The following MTAP variants were observed in gnomAD, a reference collection of about 807,000 sequenced individuals.
MTAP encodes methylthioadenosine phosphorylase.
In MTAP, 33 loss-of-function variants were observed where a neutral mutation model predicts 33.6. The observed-to-expected ratio is 0.98, with a 90% CI of 0.74 to 1.31. The LOEUF (loss-of-function observed/expected upper bound fraction) is 1.31. Ranked by LOEUF, MTAP falls within the 40% of genes most tolerant of loss-of-function variation. The pLI is 0.00. For missense variants in MTAP, 367 were observed against 360.0 expected, an observed-to-expected ratio of 1.02 and a Z score of -0.16; for synonymous variants, 148 against 125.7, an observed-to-expected ratio of 1.18 and a Z score of -1.19.
intron 1 of MTAP, among the ~76,000 whole-genome samples, chr9:21,883,040 A>T (rs1197659210): frequency 1.3e-5 from 2 of 151,958 alleles, no homozygotes; most frequent in Non-Finnish European, 2.9e-5. Context: ...GCAGAACTTA[A>T]TTAAATTAAT....
chr9:21,896,327 A>T (rs1364420118), intron 1 of MTAP, among the ~76,000 whole-genome samples: 1 of 152,222 alleles, frequency 6.6e-6, no homozygotes, highest in African/African-American at 2.4e-5. Flanking sequence ...AATTAAAAGA[A>T]CTAGAGAAGC....
intron 1 of MTAP, among the ~76,000 whole-genome samples, chr9:21,915,059 T>TC (rs1818661671): frequency 2.8e-5 from 2 of 71,816 alleles, no homozygotes; most frequent in Admixed American, 3.4e-4. Flanking sequence ...TTCCTTCCTT[T>TC]CTTTCTTTCT....
chr9:21,811,224 G>A (rs1388792445), intron 1 of MTAP, among the ~76,000 whole-genome samples: 2 of 152,124 alleles, frequency 1.3e-5, no homozygotes, highest in East Asian at 1.9e-4. Context: ...TTACGGCAGT[G>A]TGCCCAGGCC....
intron 1 of MTAP, among the ~76,000 whole-genome samples, chr9:21,901,882 A>G (rs1439986926): frequency 6.6e-6 from 1 of 152,252 alleles, no homozygotes; most frequent in Non-Finnish European, 1.5e-5. Context: ...TCTGTGTGCT[A>G]TGATCAAGTT....
chr9:21,867,856 G>A (rs548101375), downstream of MTAP, among the ~76,000 whole-genome samples: 8 of 152,234 alleles, frequency 5.3e-5, no homozygotes, highest in Admixed American at 2.6e-4. Flanking sequence ...CAAAAGCTTG[G>A]GAATGGCTAA....
At chr9:21,816,588 G>C in intron 2 of MTAP, 126 bp from the exon 3 acceptor site, 1 of 722,512 alleles carries the variant, frequency 1.4e-6, no homozygotes. Flanking sequence ...ATCAGATCTT[G>C]CCTCTTCTCT....
intron 1 of MTAP, 145 bp downstream of exon 1, chr9:21,802,926 G>C (rs897454701): frequency 1.1e-4 from 165 of 1,435,624 alleles, no homozygotes; most frequent in Non-Finnish European, 1.5e-4. Flanking sequence ...CGGCACTCGG[G>C]ACTCACTTGC....
chr9:21,879,809 A>G (rs1206231503), intron 1 of MTAP, among the ~76,000 whole-genome samples: 1 of 151,852 alleles, frequency 6.6e-6, no homozygotes, highest in African/African-American at 2.4e-5. Flanking sequence ...TCGGCTGGAT[A>G]TGAAATTCTC....
chr9:21,856,975 T>C (rs1360347060), intron 6 of MTAP, among the ~76,000 whole-genome samples: 1 of 152,232 alleles, frequency 6.6e-6, no homozygotes, highest in African/African-American at 2.4e-5. Context: ...GAAAGATTAC[T>C]GGAAGAATTA....
chr9:21,815,670 G>A, intron 2 of MTAP, 151 bp downstream of exon 2: 1 of 650,240 alleles, frequency 1.5e-6, no homozygotes, highest in East Asian at 2.9e-5. Context: ...AAGTTCTGCT[G>A]TTGGGTTCCA....
chr9:21,833,527 T>A (rs1459111518), intron 4 of MTAP, among the ~76,000 whole-genome samples: 1 of 152,240 alleles, frequency 6.6e-6, no homozygotes, highest in Non-Finnish European at 1.5e-5. Context: ...CTGATGTTTC[T>A]GTCAGAATTT....
chr9:21,860,277 T>A (rs897712522), intron 7 of MTAP: 1 of 152,210 alleles, frequency 6.6e-6, no homozygotes, highest in African/African-American at 2.4e-5. Flanking sequence ...TGTTTGCTAA[T>A]TTACGTGGTA....
chr9:21,906,634 A>G (rs971051589), intron 1 of MTAP, among the ~76,000 whole-genome samples: 2 of 152,222 alleles, frequency 1.3e-5, no homozygotes, highest in Admixed American at 6.5e-5. Context: ...TCTTTGCCAA[A>G]TTATAGAAAC....
chr9:21,826,853 C>A (rs906725279), intron 4 of MTAP, among the ~76,000 whole-genome samples: 1 of 151,930 alleles, frequency 6.6e-6, no homozygotes, highest in Admixed American at 6.6e-5. Context: ...GGGGCGAGAG[C>A]GAGCATTACC....
chr9:21,877,512 A>G (rs563700092), intron 1 of MTAP, among the ~76,000 whole-genome samples: 1 of 152,094 alleles, frequency 6.6e-6, no homozygotes, highest in African/African-American at 2.4e-5. Flanking sequence ...GACGGCTCTT[A>G]TTATTTTGAG....
chr9:21,842,547 C>T lies in MTAP; in HGVS notation c.450+4537C>T, dbSNP rs1405782420. On this transcript the variant is annotated intron_variant, in intron 5 of 7. Coordinates refer to ENST00000644715, the MANE Select transcript of MTAP (RefSeq NM_002451.4). Reference sequence around the variant, plus strand: ...AAAGGAAAACCTATCAGATTAATAGCAGACTTCTCAGCAGAAATCTTACAA... The same window carrying T: ...AAAGGAAAACCTATCAGATTAATAGTAGACTTCTCAGCAGAAATCTTACAA... 2.0e-5 allele frequency among the ~76,000 whole-genome samples: 3 copies of T among 152,158 alleles called. No individual in the cohort carries two copies. In the South Asian group the frequency reaches 6.2e-4, roughly 31 times the overall value.
At chr9:21,812,352 G>C (rs1824373086) in intron 1 of MTAP, 1 of 159,762 alleles carries the variant, frequency 6.3e-6, no homozygotes, top group Non-Finnish European at 1.4e-5. Context: ...TATTATCATT[G>C]CAGAAGGTCT....
At chr9:21,818,750 T>G (rs1238361535) in intron 4 of MTAP, among the ~76,000 whole-genome samples, 1 of 152,238 alleles carries the variant, frequency 6.6e-6, no homozygotes, top group Non-Finnish European at 1.5e-5. Context: ...GCAAAGCTAA[T>G]TAACATATTA....
At chr9:21,818,255 C>T in intron 4 of MTAP, 53 bp downstream of exon 4, 4 of 1,458,340 alleles carry the variant, frequency 2.7e-6, no homozygotes, top group Non-Finnish European at 3.7e-6. Flanking sequence ...ATTTTCAGCT[C>T]AAATGGACGA....
Sources: gnomAD v4.1 joint callset for allele counts (sites outside exome capture counted in the v4.1 genomes callset) on GRCh38, gnomAD v4.1.1 for gene constraint, MANE v1.5 for transcripts, NCBI Gene and HGNC (gene_info 2026-07-23, HGNC 2026-07-21) for gene names.